The following DOCK9 variants were observed in gnomAD, a reference collection of about 807,000 sequenced individuals.
The protein encoded by DOCK9 is dedicator of cytokinesis 9.
In DOCK9, 89 loss-of-function variants were observed where a neutral mutation model predicts 263.3. The ratio of observed to expected loss-of-function variants is 0.34; its 90% confidence interval spans 0.28 to 0.40. DOCK9 has a LOEUF of 0.40. Among genes scored for constraint, DOCK9 ranks in the 10% least tolerant of loss-of-function variants. The probability of loss-of-function intolerance (pLI) is 1.00; values close to 1 mark genes in which losing one functional copy is unlikely to be tolerated. For missense variants in DOCK9, 2,140 were observed against 2,603.4 expected, an observed-to-expected ratio of 0.82 and a Z score of 3.87; for synonymous variants, 976 against 973.1, an observed-to-expected ratio of 1.00 and a Z score of -0.06.
intron 1 of DOCK9, among the ~76,000 whole-genome samples, chr13:99,024,649 G>A (rs571304989): frequency 6.6e-6 from 1 of 152,260 alleles, no homozygotes; most frequent in East Asian, 1.9e-4. Context: ...GTCTCAACAT[G>A]AAGAAATATT....
chr13:98,816,516 C>T (rs897167577), intron 45 of DOCK9, among the ~76,000 whole-genome samples: 2 of 151,856 alleles, frequency 1.3e-5, no homozygotes, highest in African/African-American at 2.4e-5. Context: ...GGTGAAGGAA[C>T]GCTCCCTGTC....
chr13:99,051,775 A>T (rs1295346140), intron 1 of DOCK9, among the ~76,000 whole-genome samples: 1 of 150,950 alleles, frequency 6.6e-6, no homozygotes, highest in Non-Finnish European at 1.5e-5. Context: ...ATGATCCACA[A>T]AGCAAGTACA....
At chr13:98,921,417 G>A (rs1220280426) in intron 6 of DOCK9, among the ~76,000 whole-genome samples, 1 of 152,196 alleles carries the variant, frequency 6.6e-6, no homozygotes, top group Non-Finnish European at 1.5e-5. Flanking sequence ...AAAATCCCCA[G>A]GGTTTCTTGC....
chr13:98,850,997 C>G (rs1291316172), intron 35 of DOCK9, among the ~76,000 whole-genome samples: 1 of 152,160 alleles, frequency 6.6e-6, no homozygotes. Context: ...GCTGATGGCT[C>G]ATGAAGATGT....
intron 1 of DOCK9, among the ~76,000 whole-genome samples, chr13:98,986,620 G>C (rs1218682338): frequency 1.3e-5 from 2 of 152,190 alleles, no homozygotes; most frequent in Admixed American, 1.3e-4. Context: ...ATCATCAGCA[G>C]CAAAGATGAT....
intron 2 of DOCK9, among the ~76,000 whole-genome samples, chr13:98,943,738 T>C (rs1369176178): frequency 6.6e-6 from 1 of 151,970 alleles, no homozygotes; most frequent in Non-Finnish European, 1.5e-5. Flanking sequence ...CAAAAAACTA[T>C]GGTTTACAAT....
intron 1 of DOCK9, among the ~76,000 whole-genome samples, chr13:99,072,233 T>C (rs1345977996): frequency 6.6e-6 from 1 of 152,182 alleles, no homozygotes; most frequent in Non-Finnish European, 1.5e-5. Context: ...ACTTTCATGA[T>C]GTTCTATTTG....
chr13:99,084,654 G>C (rs1311110567), intron 1 of DOCK9, among the ~76,000 whole-genome samples: 2 of 150,870 alleles, frequency 1.3e-5, no homozygotes, highest in African/African-American at 4.9e-5. Context: ...GCACTCCTGG[G>C]CTCCATCTAC....
intron 44 of DOCK9, among the ~76,000 whole-genome samples, chr13:98,824,906 A>G (rs2092460251): frequency 6.6e-6 from 1 of 152,236 alleles, no homozygotes; most frequent in African/African-American, 2.4e-5. Flanking sequence ...TGTATGATTC[A>G]AAAAGAACTG....
rs571680989 is a variant in DOCK9, at chr13:98,833,119, T to C, written c.4315-1333A>G. 5 of 151,046 alleles carry C rather than the reference T, an allele frequency of 3.3e-5. No homozygotes were observed. The East Asian group carries it at 9.7e-4, about 29-fold the overall frequency. The allele number at this position is 151,046 out of a possible 1,614,324, so 9.4% of individuals were successfully genotyped here. On this transcript the variant is annotated intron_variant, in intron 39 of 52. Transcript: ENST00000682017. ...GTCATGTGAAAGGGGAGCAATTTAA[T>C]GAGCAGAAAGTGGGACTAATTAAAT...
intron 27 of DOCK9, among the ~76,000 whole-genome samples, chr13:98,875,833 T>G (rs2043739338): frequency 6.6e-6 from 1 of 152,180 alleles, no homozygotes; most frequent in East Asian, 1.9e-4. Flanking sequence ...ATTACTTATT[T>G]TAGATGCTAG....
intron 4 of DOCK9, among the ~76,000 whole-genome samples, chr13:98,924,363 T>C (rs1368659389): frequency 1.3e-5 from 2 of 152,224 alleles, no homozygotes; most frequent in East Asian, 1.9e-4. Context: ...AGCTCAAAGA[T>C]GTAACAAACG....
intron 1 of DOCK9, among the ~76,000 whole-genome samples, chr13:99,074,327 T>C (rs377722071): frequency 3.3e-4 from 50 of 152,366 alleles, no homozygotes; most frequent in African/African-American, 1.1e-3. Context: ...AGGATCTTTG[T>C]AAGGGCTGAC....
intron 15 of DOCK9, among the ~76,000 whole-genome samples, chr13:98,892,962 G>A (rs770117535): frequency 5.3e-5 from 8 of 152,226 alleles, no homozygotes; most frequent in Non-Finnish European, 8.8e-5. Flanking sequence ...TCCCAGCACA[G>A]AAGTGAGCCA....
At chr13:98,954,265 G>C (rs747428463) in intron 2 of DOCK9, among the ~76,000 whole-genome samples, 1 of 151,136 alleles carries the variant, frequency 6.6e-6, no homozygotes, top group East Asian at 1.9e-4. Flanking sequence ...AAGGCAGCTC[G>C]ATTCACAAAA....
At position 98,795,462 on chromosome 13, in the gene DOCK9, C is replaced by T. The variant is rs556023018; in HGVS notation, c.6157-714G>A. On this transcript the variant is annotated intron_variant, in intron 52 of 52. Transcript: ENST00000682017. ...CCCGCCACGGCCCTTCAGGGGTTCA[C>T]GGGGGCTCAGTCTTCACAGCTGTTG... Among the ~76,000 whole-genome samples, 215 of 152,294 alleles carry T rather than the reference C, an allele frequency of 1.4e-3. 10 individuals are homozygous for T. The South Asian group carries it at 0.043, about 30-fold the overall frequency.
At chr13:98,884,590 G>T (rs1292814009) in intron 21 of DOCK9, among the ~76,000 whole-genome samples, 1 of 152,222 alleles carries the variant, frequency 6.6e-6, no homozygotes, top group Non-Finnish European at 1.5e-5. Flanking sequence ...CAACCCTGTG[G>T]GTGAGAGATT....
At position 98,794,644 on chromosome 13, in the gene DOCK9, G is replaced by T; in HGVS notation, c.6261C>A (p.Ser2087Arg). ...PTSTMVHGMT[S>R]SSSVV ...GATGTAATCACACGACCGAAGACGA[G>T]CTGGTCATCCCGTGAACCATTGTGC... Residue 2087 changes from serine (S) to arginine (R), a missense_variant, in exon 53 of 53, where the codon AGC (serine) becomes AGA (arginine). Ser to Arg is a moderately radical substitution (Grantham distance 110). Around this residue, in one of 2 missense-constraint regions of DOCK9, gnomAD observed 619 missense variants for 861.8 expected, o/e 0.72. Coordinates refer to ENST00000682017, the MANE Select transcript of DOCK9 (RefSeq NM_001366683.2). The T allele has an allele frequency of 1.2e-6, 2 of 1,608,726 alleles. No homozygotes were observed. Among genetic ancestry groups the T allele is most frequent in the Non-Finnish European group, 1.7e-6 (2 of 1,177,502 alleles).
intron 2 of DOCK9, among the ~76,000 whole-genome samples, chr13:98,938,330 C>T (rs1373653302): frequency 6.6e-6 from 1 of 152,158 alleles, no homozygotes; most frequent in Non-Finnish European, 1.5e-5. Context: ...CTCTAATTAG[C>T]TGTGCAGTCT....
Sources: allele counts gnomAD v4.1 joint callset (sites outside exome capture counted in the v4.1 genomes callset), GRCh38; gene constraint gnomAD v4.1.1; regional missense constraint gnomAD v4.1.1; transcripts MANE v1.5; gene names NCBI Gene and HGNC (gene_info 2026-07-23, HGNC 2026-07-21).